Variants in RBFOX2 observed in about 807,000 individuals in gnomAD.
RBFOX2 encodes RNA binding fox-1 homolog 2, also known as RNA binding protein fox-1 homolog 2.
Under a neutral mutation model 49.1 loss-of-function variants are expected in RBFOX2, and 10 were observed. That is an observed-to-expected ratio of 0.20 (90% confidence interval 0.13 to 0.35). The LOEUF (loss-of-function observed/expected upper bound fraction) is 0.35. Ranked by LOEUF, RBFOX2 falls within the 10% of genes least tolerant of loss-of-function variation. RBFOX2 has a pLI of 1.00. For synonymous variants in RBFOX2, 183 were observed against 187.4 expected, an observed-to-expected ratio of 0.98 and a Z score of 0.19; for missense variants, 323 against 486.9, an observed-to-expected ratio of 0.66 and a Z score of 3.17.
chr22:35,750,405 T>C, intron 9 of RBFOX2: 2 of 1,567,534 alleles, frequency 1.3e-6, no homozygotes, highest in Non-Finnish European at 8.8e-7. Flanking sequence ...AAAGGACATA[T>C]GTATTTACAC....
chr22:35,988,083 T>TG (rs1455881687), intron 1 of RBFOX2, among the ~76,000 whole-genome samples: 1 of 152,216 alleles, frequency 6.6e-6, no homozygotes, highest in Non-Finnish European at 1.5e-5. Flanking sequence ...ACAAACTAAC[T>TG]AGAGCTACTT....
At chr22:35,851,730 A>G (rs1482948699) in intron 1 of RBFOX2, among the ~76,000 whole-genome samples, 1 of 151,782 alleles carries the variant, frequency 6.6e-6, no homozygotes, top group African/African-American at 2.4e-5. Flanking sequence ...TGGGAGGCTG[A>G]GGCAGGAGAA....
intron 1 of RBFOX2, among the ~76,000 whole-genome samples, chr22:35,855,800 G>A (rs990241641): frequency 2.6e-5 from 4 of 151,880 alleles, no homozygotes; most frequent in Non-Finnish European, 5.9e-5. Flanking sequence ...TCAGGCAGGC[G>A]GACTGCCTAA....
intron 1 of RBFOX2, among the ~76,000 whole-genome samples, chr22:35,936,591 A>T (rs1446820921): frequency 6.6e-6 from 1 of 152,228 alleles, no homozygotes; most frequent in Non-Finnish European, 1.5e-5. Flanking sequence ...TTAAAGCCCA[A>T]GAAAATAAAC....
chr22:35,919,383 C>T (rs536752330), intron 1 of RBFOX2, among the ~76,000 whole-genome samples: 33 of 152,168 alleles, frequency 2.2e-4, no homozygotes, highest in African/African-American at 7.0e-4. Flanking sequence ...ACTAAAAATA[C>T]GAAAATTAGG....
At chr22:35,799,885 CA>C (rs1467794763) in intron 2 of RBFOX2, among the ~76,000 whole-genome samples, 1 of 152,058 alleles carries the variant, frequency 6.6e-6, no homozygotes, top group African/African-American at 2.4e-5. Context: ...GCCTGGGAGG[CA>C]GAGGCTGCAA....
chr22:35,802,182 T>A (rs2147901360), intron 2 of RBFOX2, among the ~76,000 whole-genome samples: 1 of 152,234 alleles, frequency 6.6e-6, no homozygotes, highest in East Asian at 1.9e-4. Context: ...TTAATCACTG[T>A]CATTAGAAAT....
chr22:35,982,033 T>C (rs1202831058), intron 1 of RBFOX2, among the ~76,000 whole-genome samples: 1 of 152,188 alleles, frequency 6.6e-6, no homozygotes, highest in Non-Finnish European at 1.5e-5. Context: ...CATCTGTACT[T>C]ACAGCCAATC....
chr22:35,953,337 G>A (rs1410897917), intron 1 of RBFOX2, among the ~76,000 whole-genome samples: 2 of 150,958 alleles, frequency 1.3e-5, no homozygotes, highest in African/African-American at 4.9e-5. Context: ...AAGGAAAGAA[G>A]TACTGATATA....
At chr22:35,909,714 C>T (rs921974286) in intron 1 of RBFOX2, among the ~76,000 whole-genome samples, 2 of 152,172 alleles carry the variant, frequency 1.3e-5, no homozygotes, top group African/African-American at 2.4e-5. Context: ...CGGATTCAAG[C>T]GATTCTCCTG....
intron 1 of RBFOX2, among the ~76,000 whole-genome samples, chr22:35,947,696 A>T (rs1375866502): frequency 1.2e-4 from 18 of 149,896 alleles, no homozygotes; most frequent in African/African-American, 4.1e-4. Flanking sequence ...AAAAAAAAAA[A>T]AAAAATTAAA....
At chr22:35,756,342 C>T (rs532144197) in intron 9 of RBFOX2, among the ~76,000 whole-genome samples, 198 bp from the exon 11 acceptor site, 3 of 152,036 alleles carry the variant, frequency 2.0e-5, no homozygotes, top group South Asian at 2.1e-4. Flanking sequence ...CCAGGACATG[C>T]GAGGAGAGGG....
At chr22:35,830,964 T>C (rs1375400847) in intron 1 of RBFOX2, among the ~76,000 whole-genome samples, 1 of 152,150 alleles carries the variant, frequency 6.6e-6, no homozygotes. Context: ...CATGACCTGC[T>C]AGAACCACTC....
At chr22:35,807,390 T>C (rs1045557503) in intron 2 of RBFOX2, among the ~76,000 whole-genome samples, 2 of 151,762 alleles carry the variant, frequency 1.3e-5, no homozygotes, top group African/African-American at 2.4e-5. Flanking sequence ...TTAAAAAAAA[T>C]TGAGATCATG....
chr22:35,968,564 A>C (rs1380175333), intron 1 of RBFOX2, among the ~76,000 whole-genome samples: 1 of 152,202 alleles, frequency 6.6e-6, no homozygotes, highest in African/African-American at 2.4e-5. Flanking sequence ...ATGGAATTAA[A>C]ACTCTTTTAT....
upstream of RBFOX2, among the ~76,000 whole-genome samples, chr22:35,940,351 G>A (rs2149756199): frequency 6.6e-6 from 1 of 152,298 alleles, no homozygotes; most frequent in Admixed American, 6.5e-5. Flanking sequence ...ATGAAGAGAT[G>A]CTCAACATCA....
intron 1 of RBFOX2, among the ~76,000 whole-genome samples, chr22:36,006,117 C>T (rs1486730109): frequency 1.3e-5 from 2 of 152,168 alleles, no homozygotes; most frequent in Non-Finnish European, 2.9e-5. Flanking sequence ...AAAATATCAC[C>T]TGCCTACCTA....
At position 35,874,145 on chromosome 22, in the gene RBFOX2, G is replaced by T. The variant is rs6000022; in HGVS notation, c.-33-64141C>A. Reference sequence around the variant, plus strand: ...TTAGTAAAGGCATACATGAAAAGCAGTATCACTAGTCTCCTCACAATTCTA... The same window carrying T: ...TTAGTAAAGGCATACATGAAAAGCATTATCACTAGTCTCCTCACAATTCTA... On this transcript the variant is annotated intron_variant, in intron 1 of 13. Transcript: ENST00000359369. Among the ~76,000 whole-genome samples the T allele has an allele frequency of 2.2e-3, 328 of 152,312 alleles. 1 individual carries two copies. Among genetic ancestry groups the T allele is most frequent in the African/African-American group, 7.8e-3 (323 of 41,554 alleles).
intron 2 of RBFOX2, among the ~76,000 whole-genome samples, chr22:35,784,623 T>C (rs542186249): frequency 9.2e-5 from 14 of 152,374 alleles, no homozygotes; most frequent in Admixed American, 5.9e-4. Context: ...TGAAGACAGA[T>C]GCTTGGTGGT....
Sources: gnomAD v4.1 joint callset for allele counts (sites outside exome capture counted in the v4.1 genomes callset) on GRCh38, gnomAD v4.1.1 for gene constraint, MANE v1.5 for transcripts, NCBI Gene and HGNC (gene_info 2026-07-23, HGNC 2026-07-21) for gene names.